Variants in ZZZ3 observed in about 807,000 individuals in gnomAD.
ZZZ3 encodes ZZ-type zinc finger-containing protein 3.
A neutral mutation model predicts 95.2 loss-of-function variants in ZZZ3; 22 were observed. That is an observed-to-expected ratio of 0.23 (90% CI 0.17 to 0.33). The LOEUF is 0.33. ZZZ3 is among the 10% of genes least tolerant of loss of function. ZZZ3 has a pLI of 1.00. For synonymous variants in ZZZ3, 335 were observed against 358.9 expected (o/e 0.93, Z 0.75); for missense variants, 885 against 1,066.5 (o/e 0.83, Z 2.37).
intron 5 of ZZZ3, among the ~76,000 whole-genome samples, chr1:77,592,779 G>A (rs971099957): frequency 2.0e-5 from 3 of 152,084 alleles, no homozygotes; most frequent in South Asian, 2.1e-4. Context: ...AAGGTCAGTC[G>A]GTTCAAATTT....
At chr1:77,628,098 T>A in intron 5 of ZZZ3, among the ~76,000 whole-genome samples, 1 of 152,178 alleles carries the variant, frequency 6.6e-6, no homozygotes, top group Non-Finnish European at 1.5e-5. Flanking sequence ...AATTTAGAGA[T>A]CTGTTTCAGT....
chr1:77,601,842 A>C (rs181163604), intron 5 of ZZZ3, among the ~76,000 whole-genome samples: 66 of 152,262 alleles, frequency 4.3e-4, no homozygotes, highest in Admixed American at 1.0e-3. Flanking sequence ...AACCTTGCCT[A>C]AGGTTTCAAG....
chr1:77,622,015 G>A (rs377268719), intron 5 of ZZZ3, among the ~76,000 whole-genome samples: 6 of 150,968 alleles, frequency 4.0e-5, no homozygotes, highest in African/African-American at 7.3e-5. Context: ...ATATGAATGC[G>A]TTAATAACTG....
chr1:77,600,798 A>G (rs377367295), intron 5 of ZZZ3, among the ~76,000 whole-genome samples: 82 of 152,142 alleles, frequency 5.4e-4, no homozygotes, highest in Non-Finnish European at 1.2e-3. Context: ...TCAATTACAC[A>G]GTGCTCTATA....
chr1:77,615,839 A>G (rs970564580), intron 5 of ZZZ3, among the ~76,000 whole-genome samples: 11 of 152,176 alleles, frequency 7.2e-5, no homozygotes, highest in African/African-American at 2.7e-4. Context: ...TATTTTTTAG[A>G]TAAAACTTGG....
chr1:77,615,232 A>G (rs1403466614), intron 5 of ZZZ3, among the ~76,000 whole-genome samples: 1 of 152,264 alleles, frequency 6.6e-6, no homozygotes, highest in African/African-American at 2.4e-5. Flanking sequence ...GCAGAATTAC[A>G]AAATATAATC....
At position 77,632,264 on chromosome 1, in the gene ZZZ3, T is replaced by C. The variant is rs572351956; in HGVS notation, c.1091A>G (p.Gln364Arg). Residue 364 changes from glutamine to arginine, a missense_variant, in exon 5 of 15, where the codon CAA becomes CGA. By Grantham distance (43) the Gln-to-Arg change is conservative. Transcript: ENST00000370801. ...TTGAGGTTCTGATAAAGACATCATT[T>C]GAGCTGAAACACAGTCTAGAACAGG... ...PSPVLDCVSAQMMSLSEPQEH... is the reference protein window; with the variant it reads ...PSPVLDCVSARMMSLSEPQEH... 20 of 1,614,126 alleles carry C rather than the reference T, an allele frequency of 1.2e-5. No individual in the cohort carries two copies. The Admixed American group carries it at 3.2e-4, about 26-fold the overall frequency.
At chr1:77,618,263 T>G (rs12239184) in intron 5 of ZZZ3, among the ~76,000 whole-genome samples, 1 of 80,226 alleles carries the variant, frequency 1.2e-5, no homozygotes, top group Admixed American at 1.8e-4. Flanking sequence ...TTTTTTTTTG[T>G]CCAATAATCC....
At chr1:77,637,991 A>G (rs765640639) in intron 4 of ZZZ3, among the ~76,000 whole-genome samples, 4 of 152,262 alleles carry the variant, frequency 2.6e-5, no homozygotes, top group Non-Finnish European at 5.9e-5. Context: ...AAGGGAAGCC[A>G]TTAATTAACA....
Position 77,678,761 on chromosome 1 carries a change from G to A in ZZZ3, c.-403+3824C>T, listed in dbSNP as rs747068684. On this transcript the variant is annotated intron_variant, in intron 1 of 14. Coordinates refer to ENST00000370801, the MANE Select transcript of ZZZ3 (RefSeq NM_015534.6). Reference sequence around the variant, plus strand: ...ATCTGTGGACTAATTCCAATTAGTAGTTTCCTAATAAAGGCTAATGGCTTA... The same window carrying A: ...ATCTGTGGACTAATTCCAATTAGTAATTTCCTAATAAAGGCTAATGGCTTA... Among the ~76,000 whole-genome samples, 3 of 152,136 alleles carry A rather than the reference G, an allele frequency of 2.0e-5. No homozygotes were observed. The South Asian group carries it at 6.2e-4, about 31-fold the overall frequency.
At chr1:77,674,444 T>A (rs1424919977) in intron 1 of ZZZ3, among the ~76,000 whole-genome samples, 1 of 152,150 alleles carries the variant, frequency 6.6e-6, no homozygotes, top group African/African-American at 2.4e-5. Flanking sequence ...TTTCTCTTGG[T>A]GAGGGGTGGC....
At chr1:77,666,144 A>G (rs943027706) in intron 1 of ZZZ3, among the ~76,000 whole-genome samples, 5 of 152,258 alleles carry the variant, frequency 3.3e-5, no homozygotes, top group Non-Finnish European at 5.9e-5. Flanking sequence ...TACGGAATGT[A>G]ATTAAGTTAA....
At chr1:77,653,138 G>A (rs150727856) in intron 1 of ZZZ3, among the ~76,000 whole-genome samples, 58 of 152,262 alleles carry the variant, frequency 3.8e-4, no homozygotes, top group African/African-American at 1.1e-3. Flanking sequence ...AGTGAGCCAC[G>A]ATTGTGCCAC....
At chr1:77,629,296 A>G (rs1390601916) in intron 5 of ZZZ3, among the ~76,000 whole-genome samples, 2 of 152,132 alleles carry the variant, frequency 1.3e-5, no homozygotes, top group South Asian at 2.1e-4. Flanking sequence ...CTTCCTTTGA[A>G]AAAAAAGAAA....
Position 77,584,581 on chromosome 1 carries a change from A to C in ZZZ3, c.1580T>G (p.Leu527Ter). The C allele has an allele frequency of 6.2e-7, 1 of 1,613,446 alleles. No homozygotes were observed. The highest frequency in any genetic ancestry group is 8.5e-7 in the Non-Finnish European group (1 of 1,179,760). Residue 527 changes from leucine (L) to a stop codon, truncating the protein, a stop_gained, in exon 6 of 15, where the codon TTA (leucine) becomes TGA (stop). Coordinates refer to ENST00000370801, the MANE Select transcript of ZZZ3 (RefSeq NM_015534.6). LOFTEE classifies it high-confidence loss of function. ...CAGTGCTTCTCTCTGGTGCCTGCCT[A>C]AACTTTCAAGGTCTTGGACTGCTTG... is the stretch of plus-strand genomic sequence containing the variant. ...RSQAVQDLES[L>*]GRHQREALKN...
chr1:77,658,189 A>AAC (rs1355033660), intron 1 of ZZZ3, among the ~76,000 whole-genome samples: 2 of 151,450 alleles, frequency 1.3e-5, no homozygotes, highest in African/African-American at 2.4e-5. Context: ...AAAAAAAAAA[A>AAC]AAAAAAAAAA....
At chr1:77,635,765 G>A (rs1243896102) in intron 4 of ZZZ3, among the ~76,000 whole-genome samples, 1 of 152,126 alleles carries the variant, frequency 6.6e-6, no homozygotes, top group Non-Finnish European at 1.5e-5. Flanking sequence ...AACTAGTAGG[G>A]CATGGTGGCA....
At chr1:77,653,446 C>T (rs1289003363) in intron 1 of ZZZ3, among the ~76,000 whole-genome samples, 1 of 152,108 alleles carries the variant, frequency 6.6e-6, no homozygotes, top group African/African-American at 2.4e-5. Flanking sequence ...GTGTATATCT[C>T]AATGTTTTTA....
At chr1:77,652,672 T>G (rs1669915854) in intron 1 of ZZZ3, among the ~76,000 whole-genome samples, 1 of 152,204 alleles carries the variant, frequency 6.6e-6, no homozygotes. Flanking sequence ...TTATTCATAA[T>G]AGTTATAAAG....
Sources: gnomAD v4.1 joint callset for allele counts (sites outside exome capture counted in the v4.1 genomes callset) on GRCh38, gnomAD v4.1.1 for gene constraint, MANE v1.5 for transcripts, NCBI Gene and HGNC (gene_info 2026-07-23, HGNC 2026-07-21) for gene names.